SGF29: variants seen among roughly 807,000 people sequenced by gnomAD.
The protein encoded by SGF29 is SAGA-associated factor 29.
A neutral mutation model predicts 38.1 loss-of-function variants in SGF29; 15 were observed. The ratio of observed to expected loss-of-function variants is 0.39; its 90% CI spans 0.26 to 0.61. The LOEUF (loss-of-function observed/expected upper bound fraction) is 0.61. Among genes scored for constraint, SGF29 ranks in the 20% least tolerant of loss-of-function variants. The pLI is 0.49. For missense variants in SGF29, 184 were observed against 394.6 expected, an observed-to-expected ratio of 0.47 and a Z score of 4.52; for synonymous variants, 151 against 160.8, an observed-to-expected ratio of 0.94 and a Z score of 0.46.
Position 28,590,954 on chromosome 16 carries a change from G to A in SGF29, c.765+19G>A. 3.8e-6 allele frequency: 6 copies of A among 1,593,834 alleles called. No individual in the cohort carries two copies. Among genetic ancestry groups the A allele is most frequent in the Non-Finnish European group, 5.1e-6 (6 of 1,169,216 alleles). Reference sequence around the variant, plus strand: ...ACAGCGGGTAAAGCAGCCTCCAGGGGAGAGGCCATGGGTGATGTCAGGAAC... The same window carrying A: ...ACAGCGGGTAAAGCAGCCTCCAGGGAAGAGGCCATGGGTGATGTCAGGAAC... On this transcript the variant is annotated intron_variant, in intron 9 of 9. Coordinates refer to ENST00000317058, the MANE Select transcript of SGF29 (RefSeq NM_138414.3). The surrounding 1 kb of genome is among the most constrained non-coding windows in gnomAD (Gnocchi z 8.2).
intron 1 of SGF29, among the ~76,000 whole-genome samples, chr16:28,566,833 A>C (rs1430172065): frequency 6.6e-6 from 1 of 151,896 alleles, no homozygotes; most frequent in African/African-American, 2.4e-5. Flanking sequence ...ACACCCAGAT[A>C]CTTTTTTTGT....
intron 1 of SGF29, among the ~76,000 whole-genome samples, chr16:28,564,702 T>C (rs1410755286): frequency 2.5e-5 from 2 of 80,702 alleles, no homozygotes; most frequent in Non-Finnish European, 4.8e-5. Flanking sequence ...TATATGTATA[T>C]ATATACATAT....
At position 28,554,040 on chromosome 16, in the gene SGF29, G is replaced by A. The variant is rs1484226041; in HGVS notation, c.-73G>A. On this transcript the variant is annotated 5_prime_UTR_variant, in exon 1 of 10. Coordinates refer to ENST00000317058, the MANE Select transcript of SGF29 (RefSeq NM_138414.3). ...GACTCCGAAAAAGGGTTCGAGGAAC[G>A]CGCCTGCTCCCCTCGTCGCAGTTTC... 4 of 152,360 alleles carry A rather than the reference G, an allele frequency of 2.6e-5. No individual in the cohort carries two copies. The highest frequency in any genetic ancestry group is 7.2e-5 in the African/African-American group (3 of 41,476). The allele number at this position is 152,360 out of a possible 1,614,324, so 9.4% of individuals were successfully genotyped here. A position where few individuals can be genotyped will look rare whatever the true frequency, so the allele number is the denominator to read the frequency against.
intron 1 of SGF29, among the ~76,000 whole-genome samples, chr16:28,574,844 C>A (rs2046884251): frequency 2.0e-5 from 3 of 152,166 alleles, no homozygotes; most frequent in Admixed American, 6.5e-5. Flanking sequence ...CAGATTTATC[C>A]ACTTCCAATC....
At chr16:28,572,792 T>C (rs2046872416) in intron 1 of SGF29, among the ~76,000 whole-genome samples, 1 of 151,986 alleles carries the variant, frequency 6.6e-6, no homozygotes, top group Admixed American at 6.6e-5. Context: ...GAGGTGTCGC[T>C]GGGTATGATC....
chr16:28,578,616 G>A (rs538213625), intron 1 of SGF29, among the ~76,000 whole-genome samples: 2 of 151,878 alleles, frequency 1.3e-5, no homozygotes, highest in South Asian at 2.1e-4. Context: ...TAAGTGGGGG[G>A]AAGAGTTTAC....
chr16:28,590,122 G>A lies in SGF29; in HGVS notation c.316G>A (p.Asp106Asn). ...IAAKIAGLYN[D>N]SEPPRKTMRR... ...GGCCAAGATTGCCGGTCTCTACAAT[G>A]ACTCGGAGCCACCCCGGAAGACCAT... Residue 106 changes from aspartate (D) to asparagine (N), a missense_variant, in exon 6 of 10, where the codon GAC becomes AAC. Asp to Asn is a conservative substitution (Grantham distance 23). Around this residue, in one of 2 missense-constraint regions of SGF29, gnomAD observed 107 missense variants for 276.9 expected, o/e 0.39. Transcript: ENST00000317058. The surrounding 1 kb of genome is among the most constrained non-coding windows in gnomAD (Gnocchi z 8.2). 6.2e-7 allele frequency: 1 copy of A among 1,611,920 alleles called. No individual in the cohort carries two copies. The highest frequency in any genetic ancestry group is 8.5e-7 in the Non-Finnish European group (1 of 1,179,362).
At chr16:28,560,553 C>A (rs890055318) in intron 1 of SGF29, among the ~76,000 whole-genome samples, 1 of 148,238 alleles carries the variant, frequency 6.7e-6, no homozygotes, top group Admixed American at 6.8e-5. Context: ...TACACCATTG[C>A]ACTCCAGCCT....
intron 1 of SGF29, among the ~76,000 whole-genome samples, chr16:28,564,509 G>GTA (rs759646657): frequency 3.1e-3 from 428 of 137,444 alleles, no homozygotes; most frequent in South Asian, 8.1e-3. Flanking sequence ...CTCTGTGTGT[G>GTA]TATATATATA....
chr16:28,588,992 C>A, intron 4 of SGF29, 108 bp from the exon 5 acceptor site: 1 of 1,193,576 alleles, frequency 8.4e-7, no homozygotes, highest in Non-Finnish European at 1.2e-6. Flanking sequence ...CTCTGGAGTC[C>A]GGGACCAGCC....
chr16:28,577,420 C>A (rs2046900704), intron 1 of SGF29, among the ~76,000 whole-genome samples: 1 of 151,874 alleles, frequency 6.6e-6, no homozygotes, highest in Non-Finnish European at 1.5e-5. Context: ...CCTTCCCCAC[C>A]CAGCTTTCTA....
At chr16:28,557,038 C>T (rs1596594195) in intron 1 of SGF29, among the ~76,000 whole-genome samples, 1 of 152,158 alleles carries the variant, frequency 6.6e-6, no homozygotes, top group African/African-American at 2.4e-5. Flanking sequence ...CAGAACAAAG[C>T]TCTTACTGTT....
intron 1 of SGF29, among the ~76,000 whole-genome samples, chr16:28,574,577 TC>T (rs1385610019): frequency 6.6e-6 from 1 of 152,136 alleles, no homozygotes; most frequent in Non-Finnish European, 1.5e-5. Flanking sequence ...GGGAGAGCCC[TC>T]TCCTGCCCTG....
intron 1 of SGF29, among the ~76,000 whole-genome samples, chr16:28,558,374 A>G (rs2046765981): frequency 6.6e-6 from 1 of 150,606 alleles, no homozygotes. Flanking sequence ...TTGGCCTTCC[A>G]AAGTGCTGGG....
chr16:28,564,782 T>TAC (rs2046826336), intron 1 of SGF29, among the ~76,000 whole-genome samples: 3 of 116,530 alleles, frequency 2.6e-5, no homozygotes, highest in Admixed American at 9.9e-5. Context: ...TGTATATATA[T>TAC]ATATACACAC....
intron 1 of SGF29, among the ~76,000 whole-genome samples, 196 bp downstream of exon 1, chr16:28,554,293 G>A: frequency 6.6e-6 from 1 of 151,970 alleles, no homozygotes. Flanking sequence ...GGCTCGGGGA[G>A]GGCGGGCCCT....
chr16:28,568,045 ACT>A (rs2046844222), intron 1 of SGF29, among the ~76,000 whole-genome samples: 1 of 151,708 alleles, frequency 6.6e-6, no homozygotes, highest in Non-Finnish European at 1.5e-5. Context: ...AGGTGTGTTG[ACT>A]CACGCCTGTA....
Position 28,590,564 on chromosome 16 carries a change from C to T in SGF29, c.567-67C>T. 1.2e-6 allele frequency: 2 copies of T among 1,612,142 alleles called. No individual in the cohort carries two copies. The highest frequency in any genetic ancestry group is 1.7e-6 in the Non-Finnish European group (2 of 1,179,262). On this transcript the variant is annotated intron_variant, in intron 7 of 9. Transcript: ENST00000317058. This position sits in a 1 kb window ranked among gnomAD's most constrained non-coding sequence, Gnocchi z 8.2. ...GTGCAGGGAGCACCAGGTCCTCCCCCATCCTCACTCCCCAACAGGTACTGC... is the reference window on the plus strand; with the variant it reads ...GTGCAGGGAGCACCAGGTCCTCCCCTATCCTCACTCCCCAACAGGTACTGC...
chr16:28,578,115 A>G (rs1479697729), intron 1 of SGF29, among the ~76,000 whole-genome samples: 1 of 151,328 alleles, frequency 6.6e-6, no homozygotes, highest in Non-Finnish European at 1.5e-5. Context: ...CAGCCTCCCA[A>G]AGTGCTGGGA....
Sources: allele counts gnomAD v4.1 joint callset (sites outside exome capture counted in the v4.1 genomes callset), GRCh38; gene constraint gnomAD v4.1.1; regional missense constraint gnomAD v4.1.1; non-coding constraint Gnocchi (gnomAD v3.1); transcripts MANE v1.5; gene names NCBI Gene and HGNC (gene_info 2026-07-23, HGNC 2026-07-21).